Variants in COBL observed in about 807,000 individuals in gnomAD.
COBL encodes cordon-bleu WH2 repeat protein.
In COBL, 51 loss-of-function variants were observed where a neutral mutation model predicts 98.8. That is an observed-to-expected ratio of 0.52 (90% CI 0.41 to 0.65). The LOEUF (loss-of-function observed/expected upper bound fraction) is 0.65, where lower values mean the gene tolerates loss of function less well. Ranked by LOEUF, COBL falls within the 30% of genes least tolerant of loss-of-function variation. The pLI, the probability that COBL is intolerant of heterozygous loss-of-function variation, is 0.00. For synonymous variants in COBL, 634 were observed against 651.7 expected (o/e 0.97, Z 0.41); for missense variants, 1,617 against 1,617.5 (o/e 1.00, Z 0.01).
intron 1 of COBL, among the ~76,000 whole-genome samples, chr7:51,242,459 G>C (rs740546): frequency 0.69 from 105,645 of 152,066 alleles, 37,606 homozygotes; most frequent in East Asian, 0.84. Flanking sequence ...GACACAGGAA[G>C]CTGGACACCC....
intron 1 of COBL, among the ~76,000 whole-genome samples, chr7:51,296,487 G>A (rs964883404): frequency 6.6e-6 from 1 of 151,630 alleles, no homozygotes; most frequent in Non-Finnish European, 1.5e-5. Flanking sequence ...TTTTGGTTTT[G>A]CTTTTTTACC....
At chr7:51,311,901 T>G (rs1758562453) in intron 1 of COBL, among the ~76,000 whole-genome samples, 1 of 152,130 alleles carries the variant, frequency 6.6e-6, no homozygotes, top group African/African-American at 2.4e-5. Context: ...TACCAACTTT[T>G]TTTCAGCTAT....
intron 7 of COBL, among the ~76,000 whole-genome samples, chr7:51,045,275 G>A (rs896694315): frequency 1.3e-5 from 2 of 152,344 alleles, no homozygotes; most frequent in Admixed American, 1.3e-4. Flanking sequence ...CACCCTGGTG[G>A]AGTAAGGTAA....
chr7:51,031,056 C>T (rs559571358), intron 8 of COBL, 147 bp from the exon 9 acceptor site: 75 of 638,120 alleles, frequency 1.2e-4, no homozygotes, highest in African/African-American at 8.9e-4. Context: ...CTCAGAACTA[C>T]GGAGACGCAG....
chr7:51,147,043 T>C (rs756152120), intron 5 of COBL, among the ~76,000 whole-genome samples: 3 of 152,038 alleles, frequency 2.0e-5, no homozygotes, highest in Non-Finnish European at 2.9e-5. Flanking sequence ...GGTCCCTGCA[T>C]AGGGACAGCA....
chr7:51,086,600 G>A (rs1794276019), intron 6 of COBL, among the ~76,000 whole-genome samples: 1 of 149,460 alleles, frequency 6.7e-6, no homozygotes, highest in Middle Eastern at 3.2e-3. Flanking sequence ...GTATATGGGA[G>A]AGAGAAAGGG....
intron 1 of COBL, among the ~76,000 whole-genome samples, chr7:51,253,968 C>G (rs115473799): frequency 0.019 from 2,853 of 151,912 alleles, 86 homozygotes; most frequent in African/African-American, 0.065. Flanking sequence ...TTGTGTAGTT[C>G]AAAATCAAAA....
At chr7:51,309,172 C>T (rs1802776037) in intron 1 of COBL, among the ~76,000 whole-genome samples, 1 of 152,150 alleles carries the variant, frequency 6.6e-6, no homozygotes, top group Non-Finnish European at 1.5e-5. Flanking sequence ...TGCCTCCAAG[C>T]TGCCCTTTTA....
chr7:51,146,671 C>T (rs1272246097), intron 5 of COBL, among the ~76,000 whole-genome samples: 3 of 150,756 alleles, frequency 2.0e-5, no homozygotes, highest in Non-Finnish European at 3.0e-5. Context: ...GGGAGGGGGG[C>T]AATAGCCCAG....
At chr7:51,114,140 C>G (rs1475723592) in intron 6 of COBL, among the ~76,000 whole-genome samples, 4 of 152,202 alleles carry the variant, frequency 2.6e-5, no homozygotes, top group Admixed American at 2.6e-4. Context: ...CTGGGGAGGT[C>G]TAACACAAGT....
chr7:51,047,794 A>T lies in COBL; in HGVS notation c.1097-4102T>A, dbSNP rs181147271. Among the ~76,000 whole-genome samples the T allele has an allele frequency of 2.0e-5, 3 of 152,308 alleles. No individual in the cohort carries two copies. In the East Asian group the frequency reaches 5.8e-4, roughly 29 times the overall value. ...GTGTTGACTTTGTTCTCTATGTTCT[A>T]GGCACTTGGAAGAAAGGGAAAAATT... is the stretch of plus-strand genomic sequence containing the variant. On this transcript the variant is annotated intron_variant, in intron 7 of 12. Transcript: ENST00000265136.
At chr7:51,192,664 A>G (rs1002067403) in intron 3 of COBL, among the ~76,000 whole-genome samples, 3 of 152,242 alleles carry the variant, frequency 2.0e-5, no homozygotes, top group South Asian at 2.1e-4. Flanking sequence ...ATTAATTTTA[A>G]TTAATAAACA....
chr7:51,252,242 T>C (rs1362476988), intron 1 of COBL, among the ~76,000 whole-genome samples: 5 of 152,344 alleles, frequency 3.3e-5, no homozygotes, highest in Middle Eastern at 3.4e-3. Flanking sequence ...CCCATTTACA[T>C]TGTACAATTC....
Position 51,025,191 on chromosome 7 carries a change from C to A in COBL, c.3686G>T (p.Gly1229Val), listed in dbSNP as rs966432121. Reference sequence around the variant, plus strand: ...TGCGTCTGCGGTGTTGCTGAGGGTGCCCGTGCTGAACCTGGAGGCCGTCCT... The same window carrying A: ...TGCGTCTGCGGTGTTGCTGAGGGTGACCGTGCTGAACCTGGAGGCCGTCCT... ...APRTASRFSTGTLSNTADARQ... is the reference protein window; with the variant it reads ...APRTASRFSTVTLSNTADARQ... Residue 1229 changes from glycine (G) to valine (V), a missense_variant, in exon 12 of 13, where the codon GGC becomes GTC. This residue lies in a region of COBL where 1,304 missense variants were observed against 1,282.0 expected (regional missense o/e 1.02). Transcript: ENST00000265136. 6.2e-7 allele frequency: 1 copy of A among 1,611,344 alleles called. No individual in the cohort carries two copies. Among genetic ancestry groups the A allele is most frequent in the African/African-American group, 1.3e-5 (1 of 74,676 alleles).
At chr7:51,274,950 G>T (rs1278577962) in intron 1 of COBL, among the ~76,000 whole-genome samples, 1 of 152,222 alleles carries the variant, frequency 6.6e-6, no homozygotes, top group African/African-American at 2.4e-5. Context: ...TACGCACATG[G>T]CTTTGTCTGA....
chr7:51,108,907 CTGACACATAG>C (rs1796564963), intron 6 of COBL, among the ~76,000 whole-genome samples: 3 of 144,530 alleles, frequency 2.1e-5, no homozygotes. Context: ...GATACACACA[CTGACACATAG>C]ACACACACAC....
At chr7:51,026,056 T>C (rs1044392515) in intron 11 of COBL, among the ~76,000 whole-genome samples, 1 of 152,194 alleles carries the variant, frequency 6.6e-6, no homozygotes. Flanking sequence ...TAATGAGTAA[T>C]GTACAAATCA....
At chr7:51,101,294 T>C (rs1276657090) in intron 6 of COBL, among the ~76,000 whole-genome samples, 3 of 152,246 alleles carry the variant, frequency 2.0e-5, no homozygotes, top group East Asian at 3.8e-4. Flanking sequence ...TTCTGGTAGA[T>C]GTATTTAGAG....
intron 5 of COBL, among the ~76,000 whole-genome samples, chr7:51,183,109 C>T (rs1475078450): frequency 9.2e-5 from 14 of 152,206 alleles, no homozygotes; most frequent in Admixed American, 9.2e-4. Context: ...ACAATTCTAA[C>T]AGCAGAGGCT....
Sources: allele counts gnomAD v4.1 joint callset (sites outside exome capture counted in the v4.1 genomes callset), GRCh38; gene constraint gnomAD v4.1.1; regional missense constraint gnomAD v4.1.1; transcripts MANE v1.5; gene names NCBI Gene and HGNC (gene_info 2026-07-23, HGNC 2026-07-21).